AKR1C3: variants seen among roughly 807,000 people sequenced by gnomAD.
The protein encoded by AKR1C3 is aldo-keto reductase family 1 member C3.
In AKR1C3, 48 loss-of-function variants were observed where a neutral mutation model predicts 43.6. That is an observed-to-expected ratio of 1.10 (90% CI 0.87 to 1.40). The LOEUF is 1.40. Among genes scored for constraint, AKR1C3 ranks in the 40% most tolerant of loss-of-function variants. The probability of loss-of-function intolerance (pLI) is 0.00; values close to 1 mark genes in which losing one functional copy is unlikely to be tolerated. For missense variants in AKR1C3, 482 were observed against 391.2 expected (o/e 1.23, Z -1.96); for synonymous variants, 162 against 139.6 (o/e 1.16, Z -1.13).
chr10:5,102,039 T>C (rs1328612519), intron 5 of AKR1C3, 62 bp from the exon 6 acceptor site: 9 of 1,074,174 alleles, frequency 8.4e-6, no homozygotes, highest in Non-Finnish European at 1.1e-5. Flanking sequence ...TACTTTCATC[T>C]TTTCAATATT....
chr10:5,076,833 C>A (rs1023436936), intron 1 of AKR1C3, among the ~76,000 whole-genome samples: 2 of 152,158 alleles, frequency 1.3e-5, no homozygotes, highest in Non-Finnish European at 2.9e-5. Flanking sequence ...GCCAAAGGAG[C>A]ACTGCCTTTG....
intron 8 of AKR1C3, among the ~76,000 whole-genome samples, chr10:5,106,923 A>ACCATGT (rs587627799): frequency 6.6e-6 from 1 of 151,870 alleles, no homozygotes; most frequent in Admixed American, 6.6e-5. Flanking sequence ...TAAATAAAAA[A>ACCATGT]AGGAAACCAT....
At chr10:5,098,316 A>C (rs1287533186) in intron 3 of AKR1C3, 16 of 462,214 alleles carry the variant, frequency 3.5e-5, no homozygotes, top group Non-Finnish European at 4.3e-5. Context: ...GCTTTGGAGC[A>C]GCTCAAGGCT....
In AKR1C3 at chr10:5,088,237, G is replaced by C. The variant is rs144407707; in HGVS notation, c.85-8173G>C. On this transcript the variant is annotated intron_variant, in intron 1 of 8. Transcript: ENST00000439082. ...TTATTGAGACTTGCTTTATAACCAA[G>C]GATGTGGTCAATTTTTGAGAATGGT... Among the ~76,000 whole-genome samples, 1,266 of 152,226 alleles carry C rather than the reference G, an allele frequency of 8.3e-3. 15 individuals carry two copies. The highest frequency in any genetic ancestry group is 0.029 in the African/African-American group (1,225 of 41,538).
At chr10:5,067,752 G>A (rs1290326880) in intron 1 of AKR1C3, among the ~76,000 whole-genome samples, 1 of 152,160 alleles carries the variant, frequency 6.6e-6, no homozygotes, top group East Asian at 1.9e-4. Flanking sequence ...AACTATGTTA[G>A]TAATTTGTAA....
At chr10:5,079,433 C>T (rs1273715159) in intron 1 of AKR1C3, among the ~76,000 whole-genome samples, 1 of 152,110 alleles carries the variant, frequency 6.6e-6, no homozygotes, top group Non-Finnish European at 1.5e-5. Context: ...TTTGCAAGTG[C>T]TGAGGAAATA....
intron 1 of AKR1C3, among the ~76,000 whole-genome samples, chr10:5,057,807 A>G (rs2131779845): frequency 6.6e-6 from 1 of 152,272 alleles, no homozygotes. Context: ...CTAAGATACC[A>G]CATATCTCCA....
chr10:5,105,281 A>ATGACCCTATCATGTGGGCACAATG lies in AKR1C3; in HGVS notation c.847-288_847-265dup, dbSNP rs11270349. The ATGACCCTATCATGTGGGCACAATG allele has an allele frequency of 5.7e-5, 12 of 210,862 alleles. No homozygotes were observed. The East Asian group carries it at 1.2e-3, about 20-fold the overall frequency. 13.1% of individuals were successfully genotyped at this position (210,862 alleles called of 1,614,324 possible). On this transcript the variant is annotated intron_variant, in intron 7 of 8. Transcript: ENST00000380554. Reference sequence around the variant, plus strand: ...AGATTCTTGTGGGCCTTCTAGGTACATGACCCTATCATGTGGGCACAATGT... The same window carrying ATGACCCTATCATGTGGGCACAATG: ...AGATTCTTGTGGGCCTTCTAGGTACATGACCCTATCATGTGGGCACAATGTGACCCTATCATGTGGGCACAATGT...
At chr10:5,097,324 G>A in intron 2 of AKR1C3, 110 bp from the exon 3 acceptor site, 1 of 1,289,496 alleles carries the variant, frequency 7.8e-7, no homozygotes, top group Non-Finnish European at 1.1e-6. Context: ...GTTTGCCAGT[G>A]GTCATAAATT....
chr10:5,065,627 G>A, intron 1 of AKR1C3, among the ~76,000 whole-genome samples: 1 of 152,194 alleles, frequency 6.6e-6, no homozygotes. Flanking sequence ...TGAGCATAGG[G>A]CCCCATTACA....
At chr10:5,093,092 T>C (rs75577859), upstream of AKR1C3, among the ~76,000 whole-genome samples, 741 of 152,176 alleles carry the variant, frequency 4.9e-3, 10 homozygotes, top group African/African-American at 0.017. Context: ...GGCTTTTGAA[T>C]AGCTTACTAT....
intron 1 of AKR1C3, 142 bp from the exon 2 acceptor site, chr10:5,096,267 AG>A (rs1839203993): frequency 1.4e-5 from 14 of 986,008 alleles, no homozygotes; most frequent in Non-Finnish European, 1.9e-5. Flanking sequence ...TAACCAGGAA[AG>A]ACTCAGGCAA....
At chr10:5,072,376 G>C (rs1438414222) in intron 1 of AKR1C3, among the ~76,000 whole-genome samples, 1 of 152,166 alleles carries the variant, frequency 6.6e-6, no homozygotes, top group Non-Finnish European at 1.5e-5. Context: ...ATTTGTAAAA[G>C]CTGAGTTTTT....
At chr10:5,056,081 A>G (rs1554779519) in intron 1 of AKR1C3, among the ~76,000 whole-genome samples, 1 of 152,186 alleles carries the variant, frequency 6.6e-6, no homozygotes, top group African/African-American at 2.4e-5. Flanking sequence ...GATCCAGAGT[A>G]GCCTGCTGGG....
chr10:5,086,645 C>T (rs1311010854), intron 1 of AKR1C3, among the ~76,000 whole-genome samples: 75 of 152,148 alleles, frequency 4.9e-4, no homozygotes, highest in African/African-American at 1.8e-3. Flanking sequence ...AACTTTCTGT[C>T]TCGTTGATCT....
At chr10:5,081,842 A>C (rs1319577077) in intron 1 of AKR1C3, 1 of 152,222 alleles carries the variant, frequency 6.6e-6, no homozygotes, top group Non-Finnish European at 1.5e-5. Context: ...ATCACTCATC[A>C]GGAGCCCTCA....
chr10:5,104,923 T>A (rs1416923972), intron 7 of AKR1C3, among the ~76,000 whole-genome samples: 1 of 152,198 alleles, frequency 6.6e-6, no homozygotes, highest in Non-Finnish European at 1.5e-5. Flanking sequence ...GACTAATTGT[T>A]AACTTGTTCA....
intron 1 of AKR1C3, among the ~76,000 whole-genome samples, chr10:5,083,248 C>A (rs1439710789): frequency 1.3e-5 from 2 of 151,982 alleles, no homozygotes; most frequent in African/African-American, 2.4e-5. Context: ...CACAACAGTC[C>A]CCCAGAGTGT....
At chr10:5,095,961 C>T (rs1290528845) in intron 1 of AKR1C3, among the ~76,000 whole-genome samples, 2 of 152,110 alleles carry the variant, frequency 1.3e-5, no homozygotes, top group Non-Finnish European at 2.9e-5. Context: ...CACCAAAGAA[C>T]ATCTCTTGTA....
Sources: allele counts gnomAD v4.1 joint callset (sites outside exome capture counted in the v4.1 genomes callset), GRCh38; gene constraint gnomAD v4.1.1; transcripts MANE v1.5; gene names NCBI Gene and HGNC (gene_info 2026-07-23, HGNC 2026-07-21).